The following ZC3H7A variants were observed in gnomAD, a reference collection of about 807,000 sequenced individuals.
ZC3H7A encodes the protein zinc finger CCCH-type containing 7A, also known as zinc finger CCCH domain-containing protein 7A.
ZC3H7A carries 44 observed loss-of-function variants against 125.5 expected under a neutral mutation model. That is an observed-to-expected ratio of 0.35 (90% CI 0.28 to 0.45). The LOEUF is 0.45. ZC3H7A is among the 20% of genes least tolerant of loss of function. ZC3H7A has a pLI of 1.00. For missense variants in ZC3H7A, 977 were observed against 1,170.7 expected (o/e 0.83, Z 2.41); for synonymous variants, 399 against 391.2 (o/e 1.02, Z -0.23).
At chr16:11,794,927 C>T (rs747059958) in intron 1 of ZC3H7A, among the ~76,000 whole-genome samples, 13 of 152,064 alleles carry the variant, frequency 8.5e-5, no homozygotes, top group African/African-American at 3.1e-4. Context: ...AAACCCCCAA[C>T]GAAAAGTCAC....
intron 1 of ZC3H7A, among the ~76,000 whole-genome samples, chr16:11,792,615 T>C (rs1384388396): frequency 6.6e-6 from 1 of 152,258 alleles, no homozygotes; most frequent in African/African-American, 2.4e-5. Context: ...CTACATGCTT[T>C]ATACGTATTA....
In ZC3H7A at chr16:11,755,604, C is replaced by T. The variant is rs546960690; in HGVS notation, c.2562+633G>A. 2.0e-5 allele frequency among the ~76,000 whole-genome samples: 3 copies of T among 152,274 alleles called. No homozygotes were observed. In the East Asian group the frequency reaches 5.8e-4, roughly 29 times the overall value. Reference sequence around the variant, plus strand: ...CTGGGGCCTCCCACTAGGGAAGAGTCACAGACTCCTCATACTTCACTAATC... The same window carrying T: ...CTGGGGCCTCCCACTAGGGAAGAGTTACAGACTCCTCATACTTCACTAATC... On this transcript the variant is annotated intron_variant, in intron 21 of 22. Transcript: ENST00000355758.
chr16:11,794,501 A>G (rs780964004), intron 1 of ZC3H7A, among the ~76,000 whole-genome samples: 2 of 151,484 alleles, frequency 1.3e-5, no homozygotes, highest in Non-Finnish European at 2.9e-5. Context: ...TCACACTTTA[A>G]GTAATTTTCA....
chr16:11,794,042 G>C (rs1030916626), intron 1 of ZC3H7A, among the ~76,000 whole-genome samples: 38 of 152,190 alleles, frequency 2.5e-4, no homozygotes, highest in African/African-American at 9.2e-4. Flanking sequence ...CCCACGCCCT[G>C]CTAAGTGGTG....
chr16:11,777,143 T>C (rs1322549345), intron 4 of ZC3H7A, among the ~76,000 whole-genome samples: 5 of 152,204 alleles, frequency 3.3e-5, no homozygotes, highest in Non-Finnish European at 7.3e-5. Context: ...CAAATGCTAA[T>C]ATTTGGTCAG....
chr16:11,756,437 C>T, intron 20 of ZC3H7A, 67 bp from the exon 21 acceptor site: 1 of 1,571,864 alleles, frequency 6.4e-7, no homozygotes, highest in South Asian at 1.2e-5. Flanking sequence ...CAACTATGTG[C>T]ATATTTTGTA....
Position 11,776,329 on chromosome 16 carries a change from C to G in ZC3H7A, c.576G>C (p.Gly192=). ...GAAAAAATAACTTTACCTTGGTAGC[C>G]CCATCCCCAGGAACTGATTTTAATG... The part of the protein sequence containing the change: ...ELSLKSVPGD[G]ATKALNHSVE... Residue 192 remains glycine (G), a synonymous_variant, in exon 7 of 23, where the codon GGG becomes GGC. Transcript: ENST00000355758. 6.2e-7 allele frequency: 1 copy of G among 1,607,726 alleles called. No homozygotes were observed. The highest frequency in any genetic ancestry group is 8.5e-7 in the Non-Finnish European group (1 of 1,178,446).
chr16:11,761,650 G>T, intron 18 of ZC3H7A, 139 bp from the exon 19 acceptor site: 1 of 898,826 alleles, frequency 1.1e-6, no homozygotes, highest in Non-Finnish European at 1.7e-6. Context: ...TTATGATTCT[G>T]TATTTTCACT....
chr16:11,761,042 C>T (rs1014730956), intron 19 of ZC3H7A, among the ~76,000 whole-genome samples: 4 of 152,170 alleles, frequency 2.6e-5, no homozygotes, highest in African/African-American at 9.6e-5. Flanking sequence ...CAATAGCATT[C>T]ATAATACTGA....
At chr16:11,790,297 A>C (rs999919088) in intron 1 of ZC3H7A, among the ~76,000 whole-genome samples, 2 of 152,122 alleles carry the variant, frequency 1.3e-5, no homozygotes, top group African/African-American at 4.8e-5. Context: ...TGTTTGTTTT[A>C]ATCTATCATT....
chr16:11,782,153 T>C (rs1019174971), intron 2 of ZC3H7A, 134 bp downstream of exon 2: 36 of 943,696 alleles, frequency 3.8e-5, no homozygotes, highest in Non-Finnish European at 5.2e-5. Flanking sequence ...AAAATATTGC[T>C]AGAATATGGA....
At chr16:11,785,073 G>A (rs574202903) in intron 1 of ZC3H7A, among the ~76,000 whole-genome samples, 7 of 146,376 alleles carry the variant, frequency 4.8e-5, no homozygotes, top group East Asian at 2.1e-4. Context: ...CAGGAGAATC[G>A]CTTCAACCCG....
At chr16:11,776,264 G>T (rs1415372884) in intron 7 of ZC3H7A, 56 bp downstream of exon 7, 1 of 1,509,800 alleles carries the variant, frequency 6.6e-7, no homozygotes, top group Non-Finnish European at 9.0e-7. Context: ...AAGTAGAATT[G>T]CTCCCATCCT....
intron 9 of ZC3H7A, among the ~76,000 whole-genome samples, chr16:11,772,758 A>G (rs528955163): frequency 8.7e-5 from 13 of 150,146 alleles, no homozygotes; most frequent in Non-Finnish European, 8.8e-5. Context: ...GTGCAGTGGC[A>G]TGATCTTGGT....
chr16:11,780,659 A>G (rs2053160358), intron 3 of ZC3H7A, among the ~76,000 whole-genome samples: 1 of 152,146 alleles, frequency 6.6e-6, no homozygotes, highest in Non-Finnish European at 1.5e-5. Context: ...TGGCTCTAAT[A>G]CTTTTTTATT....
intron 21 of ZC3H7A, chr16:11,753,221 G>A (rs1405882908): frequency 1.1e-5 from 2 of 188,856 alleles, no homozygotes; most frequent in South Asian, 1.1e-4. Flanking sequence ...TTCAGTGTAC[G>A]TGAACTGAGC....
intron 5 of ZC3H7A, 30 bp from the exon 6 acceptor site, chr16:11,776,562 G>C (rs1213143666): frequency 6.4e-7 from 1 of 1,572,266 alleles, no homozygotes; most frequent in Non-Finnish European, 8.6e-7. Context: ...ATAATTAACA[G>C]GGTTATATTT....
chr16:11,792,300 C>T (rs572291258), intron 1 of ZC3H7A, among the ~76,000 whole-genome samples: 1 of 152,282 alleles, frequency 6.6e-6, no homozygotes, highest in South Asian at 2.1e-4. Context: ...ACTGGAATAT[C>T]ATCTCTCTGG....
Position 11,768,609 on chromosome 16 carries a change from T to C in ZC3H7A, c.1174-108A>G, listed in dbSNP as rs2052911249. 3.0e-6 allele frequency: 3 copies of C among 1,010,816 alleles called. No individual in the cohort carries two copies. The East Asian group carries it at 7.8e-5, about 26-fold the overall frequency. 62.6% of individuals were successfully genotyped at this position (1,010,816 alleles called of 1,614,324 possible). A position where few individuals can be genotyped will look rare whatever the true frequency, so the allele number is the denominator to read the frequency against. On this transcript the variant is annotated intron_variant, in intron 11 of 22. Transcript: ENST00000355758. ...GAAAAATAAGATAATCTTCATAAAC[T>C]GAGGTCAGTACTACTCCATCCTTAA...
Sources: gnomAD v4.1 joint callset for allele counts (sites outside exome capture counted in the v4.1 genomes callset) on GRCh38, gnomAD v4.1.1 for gene constraint, MANE v1.5 for transcripts, NCBI Gene and HGNC (gene_info 2026-07-23, HGNC 2026-07-21) for gene names.